The following DACH2 variants were observed in gnomAD, a reference collection of about 807,000 sequenced individuals.
The protein encoded by DACH2 is dachshund homolog 2.
Under a neutral mutation model 35.8 loss-of-function variants are expected in DACH2, and 17 were observed. That is an observed-to-expected ratio of 0.48 (90% CI 0.33 to 0.71). The LOEUF (loss-of-function observed/expected upper bound fraction) is 0.71. Among genes scored for constraint, DACH2 ranks in the 30% least tolerant of loss-of-function variants. The probability of loss-of-function intolerance (pLI) is 0.02; values close to 1 mark genes in which losing one functional copy is unlikely to be tolerated. For missense variants in DACH2, 469 were observed against 472.7 expected (o/e 0.99, Z 0.07); for synonymous variants, 195 against 177.3 (o/e 1.10, Z -0.79).
chrX:86,335,013 A>G (rs1277680008), intron 1 of DACH2, among the ~76,000 whole-genome samples: 1 of 112,165 alleles, frequency 8.9e-6, no homozygotes, highest in African/African-American at 3.2e-5. Flanking sequence ...TATTAAATAC[A>G]GAATCCTTTC....
intron 2 of DACH2, among the ~76,000 whole-genome samples, chrX:86,459,144 T>C (rs2037525414): frequency 8.9e-6 from 1 of 111,996 alleles, no homozygotes; most frequent in Admixed American, 9.5e-5. Context: ...ATAAACATTT[T>C]CTTTCCACCT....
chrX:86,533,850 G>C (rs1198684222), intron 3 of DACH2, among the ~76,000 whole-genome samples: 1 of 110,667 alleles, frequency 9.0e-6, no homozygotes, highest in East Asian at 2.8e-4. Flanking sequence ...GGATCAAGGA[G>C]GCCAGATAAA....
intron 7 of DACH2, among the ~76,000 whole-genome samples, chrX:86,770,187 G>A (rs2041975798): frequency 9.2e-6 from 1 of 108,176 alleles, no homozygotes; most frequent in South Asian, 4.0e-4. Context: ...TTTCATTCAA[G>A]CACTAATATA....
chrX:86,161,359 T>C, intron 1 of DACH2: 1 of 1,054,797 alleles, frequency 9.5e-7, no homozygotes, highest in South Asian at 2.3e-5. Context: ...ACGTTCTTAA[T>C]GGATACAGTA....
intron 4 of DACH2, among the ~76,000 whole-genome samples, chrX:86,669,799 C>A (rs958041804): frequency 2.0e-4 from 22 of 111,242 alleles, no homozygotes; most frequent in Middle Eastern, 4.7e-3. Flanking sequence ...TTTTCCTAAA[C>A]CCTGGGTTCA....
intron 4 of DACH2, among the ~76,000 whole-genome samples, chrX:86,660,133 T>C (rs2040590022): frequency 9.0e-6 from 1 of 111,680 alleles, no homozygotes; most frequent in Non-Finnish European, 1.9e-5. Flanking sequence ...TGATCACTCT[T>C]CGTGCCCCTG....
intron 7 of DACH2, among the ~76,000 whole-genome samples, chrX:86,809,000 G>A (rs766255496): frequency 7.4e-4 from 82 of 111,025 alleles, no homozygotes; most frequent in Non-Finnish European, 1.4e-3. Context: ...ATTCATCTGG[G>A]CTCTACGAAA....
At chrX:86,268,573 C>T (rs190774730) in intron 1 of DACH2, among the ~76,000 whole-genome samples, 125 of 104,495 alleles carry the variant, frequency 1.2e-3, no homozygotes, top group African/African-American at 4.2e-3. Flanking sequence ...CTTGCTCTCT[C>T]ACCTAGGCTG....
intron 1 of DACH2, among the ~76,000 whole-genome samples, chrX:86,368,292 C>G (rs1418848696): frequency 9.0e-6 from 1 of 111,661 alleles, no homozygotes; most frequent in Admixed American, 9.6e-5. Context: ...GTCATAATTT[C>G]TCTCTTTTTA....
At chrX:86,562,815 A>G (rs2039241817) in intron 3 of DACH2, among the ~76,000 whole-genome samples, 2 of 111,772 alleles carry the variant, frequency 1.8e-5, no homozygotes, top group Admixed American at 1.9e-4. Context: ...ACTACATGAT[A>G]TGTTGATACC....
At chrX:86,391,203 C>A (rs1463161849) in intron 2 of DACH2, among the ~76,000 whole-genome samples, 1 of 94,530 alleles carries the variant, frequency 1.1e-5, no homozygotes, top group Non-Finnish European at 2.0e-5. Context: ...ATCACTTAAA[C>A]CCAGCAGGCA....
intron 2 of DACH2, among the ~76,000 whole-genome samples, chrX:86,489,595 A>G (rs1447422746): frequency 9.0e-6 from 1 of 111,445 alleles, no homozygotes; most frequent in African/African-American, 3.2e-5. Context: ...TCACAATGTA[A>G]ACATGTATCA....
chrX:86,827,980 A>T (rs1705978541), intron 11 of DACH2: 1 of 417,888 alleles, frequency 2.4e-6, no homozygotes. Flanking sequence ...TTTTTAGGGG[A>T]TAGTCATAAT....
chrX:86,421,547 C>A (rs777510657), intron 2 of DACH2, among the ~76,000 whole-genome samples: 83 of 111,453 alleles, frequency 7.4e-4, no homozygotes, highest in Non-Finnish European at 1.5e-3. Context: ...GAAAAATTTT[C>A]TTTGCCTTTT....
intron 11 of DACH2, among the ~76,000 whole-genome samples, chrX:86,816,752 A>C (rs946138890): frequency 1.2e-4 from 14 of 112,270 alleles, no homozygotes; most frequent in African/African-American, 4.5e-4. Flanking sequence ...CATAAAAATG[A>C]GTTAAATGTG....
intron 2 of DACH2, among the ~76,000 whole-genome samples, chrX:86,475,335 C>A (rs763409755): frequency 2.7e-5 from 3 of 111,192 alleles, no homozygotes; most frequent in Non-Finnish European, 3.8e-5. Context: ...AAAGGAATAT[C>A]TTTTTTGTGT....
chrX:86,151,408 A>G (rs1194325955), intron 1 of DACH2, among the ~76,000 whole-genome samples: 1 of 111,302 alleles, frequency 9.0e-6, no homozygotes, highest in African/African-American at 3.3e-5. Flanking sequence ...GGTTTATTAT[A>G]TTCATATTTT....
intron 4 of DACH2, among the ~76,000 whole-genome samples, chrX:86,692,616 TATA>T (rs1455028351): frequency 1.8e-5 from 2 of 112,284 alleles, no homozygotes; most frequent in Non-Finnish European, 3.8e-5. Context: ...TAAATATTGA[TATA>T]ATCTCAGCTC....
chrX:86,403,055 T>G (rs1458244369), intron 2 of DACH2, among the ~76,000 whole-genome samples: 1 of 112,304 alleles, frequency 8.9e-6, no homozygotes, highest in Admixed American at 9.5e-5. Context: ...AAGATTTAAA[T>G]GTAATACCTC....
Sources: gnomAD v4.1 joint callset for allele counts (sites outside exome capture counted in the v4.1 genomes callset) on GRCh38, gnomAD v4.1.1 for gene constraint, MANE v1.5 for transcripts, NCBI Gene and HGNC (gene_info 2026-07-23, HGNC 2026-07-21) for gene names.